Variants in CMIP observed in about 807,000 individuals in gnomAD.
CMIP encodes C-Maf-inducing protein.
A neutral mutation model predicts 97.3 loss-of-function variants in CMIP; 13 were observed. The observed-to-expected ratio is 0.13, with a 90% CI of 0.09 to 0.21. The LOEUF is 0.21. Among genes scored for constraint, CMIP ranks in the 10% least tolerant of loss-of-function variants. The pLI is 1.00. For synonymous variants in CMIP, 538 were observed against 436.3 expected (o/e 1.23, Z -2.91); for missense variants, 847 against 1,024.9 (o/e 0.83, Z 2.37).
intron 2 of CMIP, among the ~76,000 whole-genome samples, chr16:81,608,170 T>C (rs145782546): frequency 2.0e-5 from 3 of 152,342 alleles, no homozygotes; most frequent in Non-Finnish European, 4.4e-5. Context: ...AAAAGTGCAT[T>C]CTGTATGTAC....
intron 13 of CMIP, among the ~76,000 whole-genome samples, chr16:81,694,279 G>T (rs1263439421): frequency 6.6e-6 from 1 of 152,190 alleles, no homozygotes; most frequent in African/African-American, 2.4e-5. Flanking sequence ...TGAGTTCTGG[G>T]TGTGGTAGCG....
intron 20 of CMIP, 42 bp from the exon 21 acceptor site, chr16:81,709,704 G>A: frequency 6.2e-7 from 1 of 1,611,096 alleles, no homozygotes; most frequent in Non-Finnish European, 8.5e-7. Flanking sequence ...TTCTGCAAGG[G>A]AATGGCCTAC....
chr16:81,537,959 GGT>G, intron 1 of CMIP, among the ~76,000 whole-genome samples: 1 of 152,360 alleles, frequency 6.6e-6, no homozygotes, highest in Non-Finnish European at 1.5e-5. Context: ...GGCCGAGGCG[GGT>G]GGGAAGAGAC....
At chr16:81,576,400 T>A (rs1185916025) in intron 1 of CMIP, among the ~76,000 whole-genome samples, 1 of 151,894 alleles carries the variant, frequency 6.6e-6, no homozygotes, top group African/African-American at 2.4e-5. Flanking sequence ...CAAGACTCTG[T>A]CTCAAAAAAC....
At chr16:81,703,211 C>A (rs972738700) in intron 17 of CMIP, among the ~76,000 whole-genome samples, 3 of 152,044 alleles carry the variant, frequency 2.0e-5, no homozygotes, top group African/African-American at 7.2e-5. Context: ...CCTGGAAGTT[C>A]TACTTGACAT....
At chr16:81,591,625 G>A (rs1031374275) in intron 1 of CMIP, among the ~76,000 whole-genome samples, 5 of 152,108 alleles carry the variant, frequency 3.3e-5, no homozygotes, top group African/African-American at 9.7e-5. Context: ...GGAACAGGCA[G>A]AGCTAATCTG....
intron 1 of CMIP, among the ~76,000 whole-genome samples, chr16:81,447,326 A>G (rs1158296158): frequency 6.6e-6 from 1 of 151,210 alleles, no homozygotes; most frequent in African/African-American, 2.4e-5. Flanking sequence ...GTGACCTGCC[A>G]TGGGAAGGCC....
At chr16:81,547,101 G>T (rs901181207) in intron 1 of CMIP, among the ~76,000 whole-genome samples, 1 of 152,208 alleles carries the variant, frequency 6.6e-6, no homozygotes, top group African/African-American at 2.4e-5. Flanking sequence ...GCCGAGCCAT[G>T]CCTGGGCTCC....
intron 1 of CMIP, among the ~76,000 whole-genome samples, chr16:81,493,326 G>C (rs754332431): frequency 6.6e-6 from 1 of 151,896 alleles, no homozygotes; most frequent in Admixed American, 6.6e-5. Context: ...GCACAGGCCG[G>C]AGCTCTGGGG....
At chr16:81,618,589 C>T (rs2091952297) in intron 2 of CMIP, 1 of 152,278 alleles carries the variant, frequency 6.6e-6, no homozygotes, top group African/African-American at 2.4e-5. Flanking sequence ...GGAGCCAGCT[C>T]ATCCCAGCTT....
intron 1 of CMIP, among the ~76,000 whole-genome samples, chr16:81,591,232 T>G (rs2091462208): frequency 7.8e-6 from 1 of 128,296 alleles, no homozygotes; most frequent in Non-Finnish European, 1.9e-5. Context: ...GCATGGGTCA[T>G]TCGTGGGGAG....
At chr16:81,699,831 G>GTGGC in intron 15 of CMIP, 30 bp downstream of exon 15, 2 of 1,486,776 alleles carry the variant, frequency 1.3e-6, no homozygotes, top group Non-Finnish European at 1.9e-6. Flanking sequence ...CCCTGGTGGG[G>GTGGC]TGGCTGGCTC....
intron 1 of CMIP, among the ~76,000 whole-genome samples, chr16:81,593,711 C>A (rs1176538161): frequency 1.3e-5 from 2 of 152,150 alleles, no homozygotes; most frequent in African/African-American, 4.8e-5. Context: ...ACAAATGGAT[C>A]CTCGCCTCAC....
At chr16:81,674,516 A>G (rs942258963) in intron 9 of CMIP, among the ~76,000 whole-genome samples, 12 of 152,174 alleles carry the variant, frequency 7.9e-5, no homozygotes, top group Non-Finnish European at 1.3e-4. Flanking sequence ...TTCTGTAATG[A>G]TATCATATTG....
intron 1 of CMIP, among the ~76,000 whole-genome samples, chr16:81,544,743 G>A (rs1197983810): frequency 1.3e-5 from 2 of 151,958 alleles, no homozygotes; most frequent in African/African-American, 2.4e-5. Context: ...GTGTGTGTGT[G>A]CGTGTATTTG....
chr16:81,709,942 G>A lies in CMIP; in HGVS notation c.*143G>A, dbSNP rs1908576049. Reference sequence around the variant, plus strand: ...GGGAGTCTTTCTGGGGGCGGAGGGGGGAGGGGGTGGGGAGGGGGCCCACAA... The same window carrying A: ...GGGAGTCTTTCTGGGGGCGGAGGGGAGAGGGGGTGGGGAGGGGGCCCACAA... On this transcript the variant is annotated 3_prime_UTR_variant, in exon 21 of 21. Transcript: ENST00000537098. The A allele has an allele frequency of 1.6e-6, 1 of 615,160 alleles. No homozygotes were observed. The highest frequency in any genetic ancestry group is 1.9e-5 in the South Asian group (1 of 51,852). 38.1% of individuals were successfully genotyped at this position (615,160 alleles called of 1,614,324 possible). A position where few individuals can be genotyped will look rare whatever the true frequency, so the allele number is the denominator to read the frequency against.
chr16:81,625,106 C>T (rs879899638), intron 3 of CMIP, among the ~76,000 whole-genome samples: 3 of 152,246 alleles, frequency 2.0e-5, no homozygotes, highest in African/African-American at 4.8e-5. Context: ...GGATTAGACC[C>T]TGAACATCTT....
chr16:81,600,083 A>G (rs974512251), intron 1 of CMIP, among the ~76,000 whole-genome samples: 1 of 152,030 alleles, frequency 6.6e-6, no homozygotes, highest in Non-Finnish European at 1.5e-5. Context: ...GTTCAAGAGC[A>G]TCCTGACCAA....
intron 1 of CMIP, among the ~76,000 whole-genome samples, chr16:81,597,658 C>T (rs989861863): frequency 1.3e-5 from 2 of 152,042 alleles, no homozygotes; most frequent in African/African-American, 2.4e-5. Flanking sequence ...GACACCTGCA[C>T]CCAGGCCCTC....
Sources: allele counts gnomAD v4.1 joint callset (sites outside exome capture counted in the v4.1 genomes callset), GRCh38; gene constraint gnomAD v4.1.1; transcripts MANE v1.5; gene names NCBI Gene and HGNC (gene_info 2026-07-23, HGNC 2026-07-21).